Variants in THSD7B observed in about 807,000 individuals in gnomAD.
THSD7B encodes the protein thrombospondin type 1 domain containing 7B.
In THSD7B, 138 loss-of-function variants were observed where a neutral mutation model predicts 213.6. That is an observed-to-expected ratio of 0.65 (90% confidence interval 0.56 to 0.74). The LOEUF is 0.74. THSD7B is among the 30% of genes least tolerant of loss of function. THSD7B has a pLI of 0.00. For synonymous variants in THSD7B, 742 were observed against 687.0 expected (o/e 1.08, Z -1.25); for missense variants, 1,931 against 1,991.5 (o/e 0.97, Z 0.58).
In THSD7B at chr2:136,982,398, A is replaced by C. The variant is rs1237906104; in HGVS notation, c.140-74022A>C. Among the ~76,000 whole-genome samples, 3 of 152,028 alleles carry C rather than the reference A, an allele frequency of 2.0e-5. No homozygotes were observed. In the East Asian group the frequency reaches 5.8e-4, roughly 29 times the overall value. On this transcript the variant is annotated intron_variant, in intron 2 of 27. Transcript: ENST00000409968. ...CAGGCTGGTCTCGAACCCTGGGCAC[A>C]GGGGATCCTCCTATCTCGGCCTCCC...
At chr2:137,587,022 G>T (rs1055530025) in intron 17 of THSD7B, among the ~76,000 whole-genome samples, 2 of 152,194 alleles carry the variant, frequency 1.3e-5, no homozygotes, top group African/African-American at 4.8e-5. Flanking sequence ...TTTCTTGGAG[G>T]TTTTGTTCAT....
At position 137,115,259 on chromosome 2, in the gene THSD7B, C is replaced by A. The variant is rs768714043; in HGVS notation, c.1335C>A (p.Ser445Arg). Residue 445 changes from serine to arginine, a missense_variant, in exon 5 of 28, where the codon AGC (serine) becomes AGA (arginine). By Grantham distance (110) the Ser-to-Arg change is moderately radical (BLOSUM62 -1). Coordinates refer to ENST00000409968, the MANE Select transcript of THSD7B (RefSeq NM_001316349.2). ...IQTREVYCAQ[S>R]VPAAAALRAK... Reference sequence around the variant, plus strand: ...CCCGGGAGGTGTACTGTGCCCAGAGCGTACCAGCAGCTGCCGCACTGAGGG... The same window carrying A: ...CCCGGGAGGTGTACTGTGCCCAGAGAGTACCAGCAGCTGCCGCACTGAGGG... 6.2e-7 allele frequency: 1 copy of A among 1,603,184 alleles called. No homozygotes were observed. The highest frequency in any genetic ancestry group is 8.5e-7 in the Non-Finnish European group (1 of 1,175,074).
intron 1 of THSD7B, among the ~76,000 whole-genome samples, chr2:136,833,968 G>A (rs1445928020): frequency 2.0e-5 from 3 of 152,022 alleles, no homozygotes; most frequent in Non-Finnish European, 4.4e-5. Flanking sequence ...ATTAATTCCT[G>A]GAATTTTAGA....
At chr2:136,958,521 T>C (rs1685163645) in intron 2 of THSD7B, among the ~76,000 whole-genome samples, 1 of 152,150 alleles carries the variant, frequency 6.6e-6, no homozygotes, top group South Asian at 2.1e-4. Flanking sequence ...AAGACTCAGA[T>C]TGCTTTTGGC....
chr2:137,067,655 T>C (rs1032987491), intron 3 of THSD7B, among the ~76,000 whole-genome samples: 1 of 152,088 alleles, frequency 6.6e-6, no homozygotes, highest in African/African-American at 2.4e-5. Flanking sequence ...TCTCAGTCTC[T>C]TCCTATTTTC....
chr2:137,449,663 A>G (rs551859877), intron 14 of THSD7B, among the ~76,000 whole-genome samples: 1 of 152,168 alleles, frequency 6.6e-6, no homozygotes, highest in African/African-American at 2.4e-5. Context: ...GGCTGCTTGC[A>G]GTTTCCTGTC....
At chr2:136,830,419 T>C (rs984425745) in intron 1 of THSD7B, among the ~76,000 whole-genome samples, 3 of 91,564 alleles carry the variant, frequency 3.3e-5, no homozygotes, top group Admixed American at 1.1e-4. Flanking sequence ...TCCTATGTTT[T>C]TCCAAGTACT....
At chr2:137,411,253 C>T (rs1428433043) in intron 13 of THSD7B, among the ~76,000 whole-genome samples, 11 of 152,264 alleles carry the variant, frequency 7.2e-5, no homozygotes, top group East Asian at 1.9e-4. Flanking sequence ...CCCTGGCGAT[C>T]GTTAGTCAAG....
At chr2:136,902,169 G>A (rs1346866125) in intron 2 of THSD7B, among the ~76,000 whole-genome samples, 2 of 152,072 alleles carry the variant, frequency 1.3e-5, no homozygotes, top group Admixed American at 6.6e-5. Context: ...AATCATTAAA[G>A]GGTCTAAAGC....
At chr2:137,630,012 G>A (rs951625151) in intron 20 of THSD7B, among the ~76,000 whole-genome samples, 8 of 149,048 alleles carry the variant, frequency 5.4e-5, no homozygotes, top group Admixed American at 2.0e-4. Context: ...TTTTTTTCGC[G>A]ATACAGAATC....
chr2:137,378,644 C>T (rs1685712694), intron 12 of THSD7B, among the ~76,000 whole-genome samples: 2 of 152,156 alleles, frequency 1.3e-5, no homozygotes. Flanking sequence ...TATTCTTTCA[C>T]CGCTCATTCT....
At chr2:137,428,900 A>C (rs928256274) in intron 14 of THSD7B, among the ~76,000 whole-genome samples, 5 of 152,196 alleles carry the variant, frequency 3.3e-5, no homozygotes, top group African/African-American at 1.2e-4. Flanking sequence ...TGCCCTCATA[A>C]ACAGGCTTGA....
chr2:137,095,230 C>T, intron 4 of THSD7B, 109 bp downstream of exon 4: 1 of 1,434,940 alleles, frequency 7.0e-7, no homozygotes, highest in Non-Finnish European at 9.4e-7. Context: ...AGTCTTCACT[C>T]AGTATACAAG....
intron 1 of THSD7B, among the ~76,000 whole-genome samples, chr2:136,871,311 A>G (rs1300632359): frequency 6.6e-6 from 1 of 152,196 alleles, no homozygotes; most frequent in Non-Finnish European, 1.5e-5. Flanking sequence ...TTATTATTCC[A>G]CCATGGGACT....
chr2:137,147,939 C>A (rs765754482), intron 5 of THSD7B, among the ~76,000 whole-genome samples: 8 of 152,160 alleles, frequency 5.3e-5, no homozygotes, highest in Non-Finnish European at 8.8e-5. Flanking sequence ...TCACCTCTGG[C>A]CTTTCTTAAT....
chr2:136,849,218 T>C (rs1488751032), intron 1 of THSD7B, among the ~76,000 whole-genome samples: 1 of 152,198 alleles, frequency 6.6e-6, no homozygotes, highest in African/African-American at 2.4e-5. Flanking sequence ...GAGACTAACA[T>C]GTTGAGTGCC....
At chr2:136,773,298 T>C (rs1417670172) in intron 1 of THSD7B, among the ~76,000 whole-genome samples, 1 of 152,132 alleles carries the variant, frequency 6.6e-6, no homozygotes, top group African/African-American at 2.4e-5. Context: ...GTATTATTAT[T>C]ATTTTTATTT....
chr2:137,068,559 G>T (rs1398204101), intron 3 of THSD7B, among the ~76,000 whole-genome samples: 1 of 151,892 alleles, frequency 6.6e-6, no homozygotes. Context: ...GGATTTTTTT[G>T]CTAAAAGGCT....
At chr2:137,259,557 C>T (rs1318371201) in intron 10 of THSD7B, among the ~76,000 whole-genome samples, 1 of 151,854 alleles carries the variant, frequency 6.6e-6, no homozygotes. Flanking sequence ...AATTTGTTTA[C>T]GTTCCTTGTA....
Sources: allele counts gnomAD v4.1 joint callset (sites outside exome capture counted in the v4.1 genomes callset), GRCh38; gene constraint gnomAD v4.1.1; transcripts MANE v1.5; gene names NCBI Gene and HGNC (gene_info 2026-07-23, HGNC 2026-07-21).